Variants in VIPR1 observed in about 807,000 individuals in gnomAD.
VIPR1 encodes vasoactive intestinal polypeptide receptor 1.
Under a neutral mutation model 58.8 loss-of-function variants are expected in VIPR1, and 59 were observed. The observed-to-expected ratio is 1.00, with a 90% CI of 0.81 to 1.25. VIPR1 has a LOEUF of 1.25. Among genes scored for constraint, VIPR1 ranks in the 50% most tolerant of loss-of-function variants. VIPR1 has a pLI of 0.00. For missense variants in VIPR1, 626 were observed against 602.7 expected (o/e 1.04, Z -0.40); for synonymous variants, 251 against 242.1 (o/e 1.04, Z -0.34).
At chr3:42,509,428 A>G (rs1276986271) in intron 1 of VIPR1, 2 of 152,292 alleles carry the variant, frequency 1.3e-5, no homozygotes, top group Non-Finnish European at 2.9e-5. Context: ...TCTAACAGCT[A>G]CAACTCCCAG....
upstream of VIPR1, among the ~76,000 whole-genome samples, chr3:42,501,109 G>A (rs922366112): frequency 1.3e-5 from 2 of 152,104 alleles, no homozygotes; most frequent in Non-Finnish European, 2.9e-5. This position sits in a 1 kb window ranked among gnomAD's most constrained non-coding sequence, Gnocchi z 4.8. Flanking sequence ...GGAGGAAAGG[G>A]AAAAAGAGCA....
At chr3:42,522,111 T>A (rs1349266008) in intron 3 of VIPR1, among the ~76,000 whole-genome samples, 1,431 of 56,070 alleles carry the variant, frequency 0.026, 18 homozygotes, top group African/African-American at 0.078. Flanking sequence ...ATTTTTTTTT[T>A]TTTTTTTTTT....
At chr3:42,517,975 G>A (rs1700720902) in intron 2 of VIPR1, among the ~76,000 whole-genome samples, 1 of 151,998 alleles carries the variant, frequency 6.6e-6, no homozygotes, top group South Asian at 2.1e-4. Flanking sequence ...GACTATGATG[G>A]GGTGATGAGT....
At chr3:42,524,707 G>T (rs1253334934) in intron 3 of VIPR1, among the ~76,000 whole-genome samples, 1 of 152,156 alleles carries the variant, frequency 6.6e-6, no homozygotes, top group African/African-American at 2.4e-5. Flanking sequence ...TCATAGAACA[G>T]CTTGACCCTC....
upstream of VIPR1, among the ~76,000 whole-genome samples, chr3:42,501,019 G>C (rs577252259): frequency 6.6e-5 from 10 of 152,126 alleles, no homozygotes; most frequent in Non-Finnish European, 1.5e-4. The surrounding 1 kb of genome is among the most constrained non-coding windows in gnomAD (Gnocchi z 4.8). Context: ...CACAGAAAGA[G>C]ATTAATAAAT....
At position 42,536,171 on chromosome 3, in the gene VIPR1, T is replaced by C. The variant is rs1235000056; in HGVS notation, c.1264T>C (p.Ser422Pro). The C allele has an allele frequency of 6.2e-7, 1 of 1,607,694 alleles. No individual in the cohort carries two copies. The highest frequency in any genetic ancestry group is 1.1e-5 in the South Asian group (1 of 89,728). Residue 422 changes from serine to proline, a missense_variant, in exon 13 of 13, where the codon TCG (serine) becomes CCG (proline). Transcript: ENST00000325123. The part of the protein sequence containing the change: ...LGWNPKYRHP[S>P]GGSNGATCST... ...CTGGAACCCCAAATACCGGCACCCG[T>C]CGGGAGGCAGCAACGGCGCCACGTG...
At chr3:42,519,460 A>G in intron 3 of VIPR1, 130 bp downstream of exon 3, 1 of 652,776 alleles carries the variant, frequency 1.5e-6, no homozygotes, top group Non-Finnish European at 2.5e-6. Context: ...TCCCTGGCAG[A>G]GGAGGCAATG....
intron 2 of VIPR1, among the ~76,000 whole-genome samples, chr3:42,515,217 C>A (rs1489957025): frequency 6.6e-6 from 1 of 152,354 alleles, no homozygotes; most frequent in East Asian, 1.9e-4. Flanking sequence ...CCTTCTGGGT[C>A]CCTCTTCTTG....
At chr3:42,528,843 G>T (rs1406412952) in intron 6 of VIPR1, among the ~76,000 whole-genome samples, 1 of 152,178 alleles carries the variant, frequency 6.6e-6, no homozygotes, top group African/African-American at 2.4e-5. Flanking sequence ...TGACCCCAGA[G>T]GCAGTGCATT....
chr3:42,503,268 A>C (rs575382686), intron 1 of VIPR1, among the ~76,000 whole-genome samples: 7 of 152,210 alleles, frequency 4.6e-5, no homozygotes, highest in Non-Finnish European at 7.4e-5. Flanking sequence ...CATCAGAACC[A>C]GTGCTGGGGG....
chr3:42,508,388 T>C (rs1700214640), intron 1 of VIPR1, among the ~76,000 whole-genome samples: 1 of 152,206 alleles, frequency 6.6e-6, no homozygotes, highest in Non-Finnish European at 1.5e-5. Flanking sequence ...ACCTGTGGTC[T>C]GAACTAGGCT....
At chr3:42,496,017 C>A (rs1033093134) in intron 1 of VIPR1, among the ~76,000 whole-genome samples, 5 of 152,014 alleles carry the variant, frequency 3.3e-5, no homozygotes, top group Non-Finnish European at 7.4e-5. Context: ...CAAGCAGCCA[C>A]ATTTGTGGTA....
Position 42,519,293 on chromosome 3 carries a change from C to A in VIPR1, c.255C>A (p.Ala85=). 1.2e-6 allele frequency: 2 copies of A among 1,610,870 alleles called. No homozygotes were observed. Among genetic ancestry groups the A allele is most frequent in the Non-Finnish European group, 1.7e-6 (2 of 1,178,588 alleles). ...ATPRGQVVVL[A]CPLIFKLFSS... ...CTCGGGGCCAGGTAGTTGTCTTGGC[C>A]TGTCCCCTCATCTTCAAGCTCTTCT... Residue 85 remains alanine, a synonymous_variant, in exon 3 of 13, where the codon GCC becomes GCA. Coordinates refer to ENST00000325123, the MANE Select transcript of VIPR1 (RefSeq NM_004624.4).
upstream of VIPR1, among the ~76,000 whole-genome samples, chr3:42,499,802 C>T (rs537969082): frequency 3.4e-4 from 51 of 152,214 alleles, no homozygotes; most frequent in Admixed American, 7.2e-4. Flanking sequence ...AGAAGCCTTC[C>T]CAGATCAACT....
In VIPR1 at chr3:42,502,813, G is replaced by A; in HGVS notation, c.78G>A (p.Ala26=). Residue 26 remains alanine (A), a splice_region_variant and synonymous_variant, in exon 1 of 13, where the codon GCG becomes GCA. Transcript: ENST00000325123. ...AGALAWALGP[A]GGQAARLQEE... The stretch of plus-strand genomic sequence containing the variant: ...CCCTCGCCTGGGCCCTTGGGCCGGC[G>A]GTGAGTGTTCGCCCGGCCGCCCAGA... 6 of 1,264,162 alleles carry A rather than the reference G, an allele frequency of 4.7e-6. No individual in the cohort carries two copies. Among genetic ancestry groups the A allele is most frequent in the Non-Finnish European group, 6.0e-6 (6 of 1,005,746 alleles). The allele number at this position is 1,264,162 out of a possible 1,614,324, so 78.3% of individuals were successfully genotyped here. A position where few individuals can be genotyped will look rare whatever the true frequency, so the allele number is the denominator to read the frequency against.
chr3:42,513,505 C>T (rs564387451), intron 1 of VIPR1: 150 of 472,978 alleles, frequency 3.2e-4, no homozygotes, highest in African/African-American at 2.5e-3. Context: ...AAAGCAGTTA[C>T]AGCTGCAGCA....
intron 3 of VIPR1, among the ~76,000 whole-genome samples, chr3:42,521,000 T>C (rs577960769): frequency 6.6e-6 from 1 of 152,268 alleles, no homozygotes; most frequent in African/African-American, 2.4e-5. Flanking sequence ...GGTTTCACAG[T>C]GCACGCCATC....
rs1382168838 is a variant in VIPR1 at position 42,531,796 on chromosome 3, T to G, written c.852-7T>G. 6.2e-7 allele frequency: 1 copy of G among 1,614,020 alleles called. No homozygotes were observed. Among genetic ancestry groups the G allele is most frequent in the African/African-American group, 1.3e-5 (1 of 74,912 alleles). Reference sequence around the variant, plus strand: ...ATCCCTCTCATTCCTCCCCACGGTCTGCTCAGGTGCTGGGACACCATCAAC... The same window carrying G: ...ATCCCTCTCATTCCTCCCCACGGTCGGCTCAGGTGCTGGGACACCATCAAC... On this transcript the variant is annotated splice_region_variant and splice_polypyrimidine_tract_variant and intron_variant, in intron 8 of 12. Transcript: ENST00000325123.
rs967585432 is a variant in VIPR1 at position 42,536,918 on chromosome 3, C to T, written c.*637C>T. Reference sequence around the variant, plus strand: ...GGTTCCCCACCGAAGTGGACTGGCCCCTGGGTCAGTCTGGTGGGAGGACGG... The same window carrying T: ...GGTTCCCCACCGAAGTGGACTGGCCTCTGGGTCAGTCTGGTGGGAGGACGG... On this transcript the variant is annotated 3_prime_UTR_variant, in exon 13 of 13. Transcript: ENST00000325123. The T allele has an allele frequency of 2.6e-5, 4 of 152,168 alleles. No individual in the cohort carries two copies. Among genetic ancestry groups the T allele is most frequent in the African/African-American group, 4.8e-5 (2 of 41,420 alleles). 9.4% of individuals were successfully genotyped at this position (152,168 alleles called of 1,614,324 possible).
Sources: gnomAD v4.1 joint callset for allele counts (sites outside exome capture counted in the v4.1 genomes callset) on GRCh38, gnomAD v4.1.1 for gene constraint, Gnocchi (gnomAD v3.1) non-coding constraint, MANE v1.5 for transcripts, NCBI Gene and HGNC (gene_info 2026-07-23, HGNC 2026-07-21) for gene names.